The following ASIC2 variants were observed in gnomAD, a reference collection of about 807,000 sequenced individuals.
ASIC2 encodes acid sensing ion channel subunit 2.
In ASIC2, 25 loss-of-function variants were observed where a neutral mutation model predicts 57.3. The ratio of observed to expected loss-of-function variants is 0.44; its 90% CI spans 0.32 to 0.61. ASIC2 has a LOEUF of 0.61. ASIC2 is among the 20% of genes least tolerant of loss of function. The pLI is 0.06. For synonymous variants in ASIC2, 319 were observed against 307.5 expected, an observed-to-expected ratio of 1.04 and a Z score of -0.39; for missense variants, 641 against 738.1, an observed-to-expected ratio of 0.87 and a Z score of 1.52.
chr17:33,969,174 A>G (rs1161895355), intron 1 of ASIC2, among the ~76,000 whole-genome samples: 1 of 152,204 alleles, frequency 6.6e-6, no homozygotes, highest in East Asian at 1.9e-4. Flanking sequence ...CATAAGATGC[A>G]TTTGACTTTA....
At chr17:33,710,858 A>C (rs1909009908) in intron 1 of ASIC2, among the ~76,000 whole-genome samples, 1 of 152,146 alleles carries the variant, frequency 6.6e-6, no homozygotes, top group African/African-American at 2.4e-5. Context: ...AGGTTAGTTG[A>C]AGCCTGCAGG....
intron 1 of ASIC2, among the ~76,000 whole-genome samples, chr17:33,154,709 A>C: frequency 6.6e-6 from 1 of 152,254 alleles, no homozygotes; most frequent in Non-Finnish European, 1.5e-5. Flanking sequence ...AAGGAGGCAG[A>C]GAAGAGCAGT....
rs529340951 is a variant in ASIC2, at chr17:33,266,288, ATCT to A, written c.708+25117_708+25119del. 8.5e-5 allele frequency among the ~76,000 whole-genome samples: 13 copies of A among 152,276 alleles called. No homozygotes were observed. The East Asian group carries it at 2.3e-3, about 27-fold the overall frequency. ...CCAGGGGGCAGCAACTGCTGTGACGATCTTCTTCCCTGCCATATCCACAGCACC... is the reference window on the plus strand; with the variant it reads ...CCAGGGGGCAGCAACTGCTGTGACGATCTTCCCTGCCATATCCACAGCACC... On this transcript the variant is annotated intron_variant, in intron 1 of 9. Coordinates refer to ENST00000225823, the MANE Select transcript of ASIC2 (RefSeq NM_183377.2).
At chr17:33,510,112 T>C (rs1914387189) in intron 1 of ASIC2, among the ~76,000 whole-genome samples, 1 of 152,164 alleles carries the variant, frequency 6.6e-6, no homozygotes, top group Non-Finnish European at 1.5e-5. Context: ...TGTAACTCAC[T>C]GTGTGACCTG....
At chr17:33,449,894 A>G (rs1912183066) in intron 1 of ASIC2, among the ~76,000 whole-genome samples, 1 of 151,804 alleles carries the variant, frequency 6.6e-6, no homozygotes, top group Non-Finnish European at 1.5e-5. Context: ...CCTGCTTCCC[A>G]AGTAGATAGG....
intron 1 of ASIC2, among the ~76,000 whole-genome samples, chr17:33,175,529 T>A (rs1416822558): frequency 6.7e-5 from 2 of 29,862 alleles, no homozygotes; most frequent in African/African-American, 1.9e-4. Context: ...AATACCCTAC[T>A]TTTTTTTTCC....
chr17:33,307,488 T>G (rs920173436), intron 1 of ASIC2, among the ~76,000 whole-genome samples: 1 of 152,150 alleles, frequency 6.6e-6, no homozygotes, highest in South Asian at 2.1e-4. Flanking sequence ...TTTTGTATTT[T>G]TAGTAGAGAC....
chr17:34,136,482 TA>T (rs1261523536), intron 1 of ASIC2, among the ~76,000 whole-genome samples: 1 of 152,226 alleles, frequency 6.6e-6, no homozygotes, highest in African/African-American at 2.4e-5. Context: ...CCTACTTACT[TA>T]ATTCAATGAT....
intron 1 of ASIC2, among the ~76,000 whole-genome samples, chr17:34,089,676 G>A (rs187121284): frequency 6.6e-6 from 1 of 151,988 alleles, no homozygotes; most frequent in Admixed American, 6.6e-5. Flanking sequence ...TAGCCCCCAA[G>A]CCCCCATTTG....
chr17:34,063,591 T>C (rs1909050476), intron 1 of ASIC2, among the ~76,000 whole-genome samples: 1 of 152,120 alleles, frequency 6.6e-6, no homozygotes, highest in Non-Finnish European at 1.5e-5. Context: ...CACTATTTGC[T>C]GATGATATGA....
intron 1 of ASIC2, among the ~76,000 whole-genome samples, chr17:33,830,715 G>A (rs10468579): frequency 0.81 from 122,904 of 151,638 alleles, 50,156 homozygotes; most frequent in African/African-American, 0.85. Context: ...CCCTCCCCTT[G>A]CCCCCTACCC....
chr17:33,280,993 T>G (rs1435840095), intron 1 of ASIC2, among the ~76,000 whole-genome samples: 1 of 152,150 alleles, frequency 6.6e-6, no homozygotes, highest in African/African-American at 2.4e-5. Context: ...CAGAATCAGA[T>G]GGGGATGGCC....
chr17:34,141,812 T>C (rs1912280323), intron 1 of ASIC2, among the ~76,000 whole-genome samples: 2 of 152,204 alleles, frequency 1.3e-5, no homozygotes, highest in South Asian at 4.1e-4. Context: ...GTGTTCTGCA[T>C]GTAAGGGGCA....
At chr17:33,075,984 C>G (rs941408240) in intron 3 of ASIC2, among the ~76,000 whole-genome samples, 16 of 152,134 alleles carry the variant, frequency 1.1e-4, no homozygotes, top group African/African-American at 3.4e-4. Context: ...TGCAACTAAT[C>G]AATCCAATTC....
At chr17:34,153,436 C>T (rs570013739) in intron 1 of ASIC2, among the ~76,000 whole-genome samples, 2 of 152,348 alleles carry the variant, frequency 1.3e-5, no homozygotes, top group South Asian at 2.1e-4. Flanking sequence ...TCCAGGCTCT[C>T]TGCCCTCTTC....
intron 1 of ASIC2, among the ~76,000 whole-genome samples, chr17:33,609,088 A>G (rs1264276698): frequency 2.0e-5 from 3 of 152,164 alleles, no homozygotes; most frequent in Non-Finnish European, 4.4e-5. Context: ...CACTCTATGT[A>G]CTTACTTCTC....
At chr17:33,628,909 C>T (rs1906072944) in intron 1 of ASIC2, among the ~76,000 whole-genome samples, 1 of 152,224 alleles carries the variant, frequency 6.6e-6, no homozygotes, top group Non-Finnish European at 1.5e-5. Flanking sequence ...CTTAGCCCTG[C>T]ACTGTGCCTG....
chr17:33,335,982 C>A (rs1907499335), intron 1 of ASIC2, among the ~76,000 whole-genome samples: 1 of 152,100 alleles, frequency 6.6e-6, no homozygotes, highest in Non-Finnish European at 1.5e-5. Context: ...TGCTTGATTT[C>A]TCTCACCCTC....
chr17:33,690,369 C>T (rs1433838667), intron 1 of ASIC2, among the ~76,000 whole-genome samples: 1 of 152,212 alleles, frequency 6.6e-6, no homozygotes, highest in African/African-American at 2.4e-5. Flanking sequence ...TGACATTTCT[C>T]AGCTGATGCC....
Sources: gnomAD v4.1 joint callset for allele counts (sites outside exome capture counted in the v4.1 genomes callset) on GRCh38, gnomAD v4.1.1 for gene constraint, MANE v1.5 for transcripts, NCBI Gene and HGNC (gene_info 2026-07-23, HGNC 2026-07-21) for gene names.